Variants in ERV3-1 observed in about 807,000 individuals in gnomAD.
The protein encoded by ERV3-1 is endogenous retrovirus group 3 member 1 Env polyprotein.
A neutral mutation model predicts 24.6 loss-of-function variants in ERV3-1; 36 were observed. The observed-to-expected ratio is 1.47, with a 90% CI of 1.12 to 1.94. The LOEUF (loss-of-function observed/expected upper bound fraction) is 1.94. ERV3-1 is among the 30% of genes most tolerant of loss of function. ERV3-1 has a pLI of 0.00. For missense variants in ERV3-1, 578 were observed against 330.9 expected (o/e 1.75, Z -5.79); for synonymous variants, 211 against 122.6 (o/e 1.72, Z -4.76).
At position 64,991,235 on chromosome 7, in the gene ERV3-1, G is replaced by A; in HGVS notation, c.1792C>T (p.Pro598Ser). ...GACTATCCTTTCCAAGTCTGAACTG[G>A]GATGTGAGCTAACTTTTGGATTTTA... ...TAKIQKLAHI[P>S]VQTWKG The change falls in exon 2 of 2, where the codon CCA (proline) becomes TCA (serine). Residue 598 changes from proline to serine, a missense_variant. Pro to Ser is a moderately conservative substitution (Grantham distance 74). Coordinates refer to ENST00000394323, the MANE Select transcript of ERV3-1 (RefSeq NM_001007253.4). 1.3e-6 allele frequency: 1 copy of A among 754,576 alleles called. No individual in the cohort carries two copies. Among genetic ancestry groups the A allele is most frequent in the South Asian group, 1.4e-5 (1 of 72,190 alleles). 46.7% of individuals were successfully genotyped at this position (754,576 alleles called of 1,614,324 possible). A position where few individuals can be genotyped will look rare whatever the true frequency, so the allele number is the denominator to read the frequency against.
At chr7:64,998,751 G>A (rs1393131008) in intron 1 of ERV3-1, among the ~76,000 whole-genome samples, 9 of 151,908 alleles carry the variant, frequency 5.9e-5, no homozygotes, top group Admixed American at 5.9e-4. Context: ...ATAAGTTGTG[G>A]GGCACCTCCC....
intron 1 of ERV3-1, among the ~76,000 whole-genome samples, chr7:65,002,273 T>C (rs957889125): frequency 2.6e-5 from 4 of 152,198 alleles, no homozygotes; most frequent in Admixed American, 1.3e-4. Flanking sequence ...TTTTCTTCTT[T>C]TTTGTATTAA....
intron 1 of ERV3-1, among the ~76,000 whole-genome samples, chr7:64,997,883 G>A (rs1786438742): frequency 6.6e-6 from 1 of 152,104 alleles, no homozygotes; most frequent in South Asian, 2.1e-4. Flanking sequence ...GAAAAAGGCT[G>A]GTAAATAAAA....
Position 65,006,665 on chromosome 7 carries a change from A to G in ERV3-1, c.-513T>C. 1.3e-6 allele frequency: 2 copies of G among 1,499,588 alleles called. No homozygotes were observed. Among genetic ancestry groups the G allele is most frequent in the Non-Finnish European group, 1.8e-6 (2 of 1,081,618 alleles). 92.9% of individuals were successfully genotyped at this position (1,499,588 alleles called of 1,614,324 possible). On this transcript the variant is annotated 5_prime_UTR_variant, in exon 1 of 2. Transcript: ENST00000394323. Reference sequence around the variant, plus strand: ...CACAGAGCAGTGAAGACTACACCAGAAGCTCCGGCTGCCGCCAGAGACAAA... The same window carrying G: ...CACAGAGCAGTGAAGACTACACCAGGAGCTCCGGCTGCCGCCAGAGACAAA...
At chr7:64,997,077 A>G (rs1414226496) in intron 1 of ERV3-1, among the ~76,000 whole-genome samples, 1 of 152,166 alleles carries the variant, frequency 6.6e-6, no homozygotes, top group Non-Finnish European at 1.5e-5. Context: ...CATTGCGCAC[A>G]TTGATTCCTA....
intron 1 of ERV3-1, among the ~76,000 whole-genome samples, chr7:64,994,110 G>A (rs796608625): frequency 1.3e-5 from 2 of 152,306 alleles, no homozygotes; most frequent in African/African-American, 4.8e-5. Flanking sequence ...AGGCAACTCT[G>A]TAAGTCCATA....
At chr7:65,005,369 T>C (rs1786622135) in intron 1 of ERV3-1, among the ~76,000 whole-genome samples, 1 of 152,206 alleles carries the variant, frequency 6.6e-6, no homozygotes, top group African/African-American at 2.4e-5. Flanking sequence ...AAGGTTTCTG[T>C]GGCTAGAGGC....
chr7:64,991,992 A>G lies in ERV3-1; in HGVS notation c.1035T>C (p.Cys345=), dbSNP rs1478068209. The G allele has an allele frequency of 3.9e-6, 3 of 766,302 alleles. No individual in the cohort carries two copies. The Admixed American group carries it at 5.1e-5, about 13-fold the overall frequency. 47.5% of individuals were successfully genotyped at this position (766,302 alleles called of 1,614,324 possible). A position where few individuals can be genotyped will look rare whatever the true frequency, so the allele number is the denominator to read the frequency against. The change falls in exon 2 of 2, where the codon TGT becomes TGC. Residue 345 remains cysteine, a synonymous_variant. Transcript: ENST00000394323. ...FLKTSIIGKF[C]IARWGKAFTD... ...TAAAGGCCTTTCCCCAGCGAGCAAT[A>G]CAGAATTTTCCAATAATGGAGGTTT...
rs1428856573 is a variant in ERV3-1, at chr7:64,992,605, T to C, written c.422A>G (p.Glu141Gly). The change falls in exon 2 of 2, where the codon GAG (glutamate) becomes GGG (glycine). Residue 141 changes from glutamate to glycine, a missense_variant. Glu to Gly is a moderately conservative substitution (Grantham distance 98, BLOSUM62 -2). Transcript: ENST00000394323. The stretch of plus-strand genomic sequence containing the variant: ...ATTTTTATGGCAGCTACTATAGTAC[T>C]CCATGGAACTGAAGATTACGGGAAA... ...SLFPVIFSSM[E>G]YYSSCHKNRY... The C allele has an allele frequency of 2.6e-6, 2 of 766,370 alleles. No individual in the cohort carries two copies. Among genetic ancestry groups the C allele is most frequent in the South Asian group, 1.3e-5 (1 of 74,624 alleles). 47.5% of individuals were successfully genotyped at this position (766,370 alleles called of 1,614,324 possible). A position where few individuals can be genotyped will look rare whatever the true frequency, so the allele number is the denominator to read the frequency against.
intron 1 of ERV3-1, among the ~76,000 whole-genome samples, chr7:65,000,729 G>A (rs1786503380): frequency 6.6e-6 from 1 of 152,144 alleles, no homozygotes; most frequent in South Asian, 2.1e-4. Context: ...AGGCTGCAGT[G>A]AGCCAAGATC....
intron 1 of ERV3-1, chr7:65,006,010 C>G (rs1010551799): frequency 6.5e-6 from 1 of 154,944 alleles, no homozygotes; most frequent in Non-Finnish European, 1.4e-5. Flanking sequence ...CTTTATCATG[C>G]ACTTTATAAA....
At chr7:64,997,470 A>G (rs1786428327) in intron 1 of ERV3-1, among the ~76,000 whole-genome samples, 1 of 152,172 alleles carries the variant, frequency 6.6e-6, no homozygotes, top group African/African-American at 2.4e-5. Context: ...GACTTTAATT[A>G]GTCTCCTGCA....
At chr7:65,003,778 C>G (rs1298726135) in intron 1 of ERV3-1, 1 of 152,134 alleles carries the variant, frequency 6.6e-6, no homozygotes, top group African/African-American at 2.4e-5. Context: ...GGGAGCACTT[C>G]TAGGAGATAC....
rs758230406 is a variant in ERV3-1, at chr7:64,993,201, A to G, written c.-175T>C. The G allele has an allele frequency of 7.5e-5, 44 of 587,112 alleles. No homozygotes were observed. The highest frequency in any genetic ancestry group is 1.3e-4 in the Non-Finnish European group (42 of 330,354). 36.4% of individuals were successfully genotyped at this position (587,112 alleles called of 1,614,324 possible). On this transcript the variant is annotated 5_prime_UTR_variant, in exon 2 of 2. Coordinates refer to ENST00000394323, the MANE Select transcript of ERV3-1 (RefSeq NM_001007253.4). Reference sequence around the variant, plus strand: ...AGACTAGTCAGCTTCTGGGGTGACTAGAGCAGGGCTGTTGTCTCCTCAAGC... The same window carrying G: ...AGACTAGTCAGCTTCTGGGGTGACTGGAGCAGGGCTGTTGTCTCCTCAAGC...
intron 1 of ERV3-1, among the ~76,000 whole-genome samples, chr7:64,997,083 T>G (rs1362200405): frequency 6.6e-6 from 1 of 152,224 alleles, no homozygotes; most frequent in Non-Finnish European, 1.5e-5. Context: ...GCACATTGAT[T>G]CCTACATAGT....
At chr7:65,006,179 C>A (rs777239487) in intron 1 of ERV3-1, 1 of 240,052 alleles carries the variant, frequency 4.2e-6, no homozygotes, top group Middle Eastern at 1.5e-3. Context: ...ACCCCGCAGA[C>A]CAAAGCTCTT....
At chr7:64,998,977 C>T (rs1349241747) in intron 1 of ERV3-1, among the ~76,000 whole-genome samples, 1 of 152,198 alleles carries the variant, frequency 6.6e-6, no homozygotes, top group Non-Finnish European at 1.5e-5. Flanking sequence ...ACTCTCACGT[C>T]CTGGGTCAGT....
chr7:65,004,954 G>A (rs1222896117), intron 1 of ERV3-1: 1 of 126,614 alleles, frequency 7.9e-6, no homozygotes, highest in African/African-American at 3.0e-5. Flanking sequence ...GTAATTATTT[G>A]TTTTTCCCTC....
rs749097884 is a variant in ERV3-1 at position 64,992,805 on chromosome 7, T to C, written c.222A>G (p.Gly74=). ...NQTTYSVCDP[G]RGQPYVCYDP... ...CATAACACACATAAGGCTGGCCCCT[T>C]CCTGGGTCACAGACTGAGTAGGTTG... The change falls in exon 2 of 2, where the codon GGA becomes GGG. Residue 74 remains glycine, a synonymous_variant. Transcript: ENST00000394323. The C allele has an allele frequency of 2.6e-6, 2 of 766,312 alleles. No homozygotes were observed. The highest frequency in any genetic ancestry group is 1.7e-5 in the African/African-American group (1 of 59,126). The allele number at this position is 766,312 out of a possible 1,614,324, so 47.5% of individuals were successfully genotyped here. A position where few individuals can be genotyped will look rare whatever the true frequency, so the allele number is the denominator to read the frequency against.
Sources: gnomAD v4.1 joint callset for allele counts (sites outside exome capture counted in the v4.1 genomes callset) on GRCh38, gnomAD v4.1.1 for gene constraint, MANE v1.5 for transcripts, NCBI Gene and HGNC (gene_info 2026-07-23, HGNC 2026-07-21) for gene names.